The following ZNF805 variants were observed in gnomAD, a reference collection of about 807,000 sequenced individuals.
ZNF805 encodes the protein CTC-444N24.8.
ZNF805 carries 7 observed loss-of-function variants against 13.6 expected under a neutral mutation model. That is an observed-to-expected ratio of 0.51 (90% CI 0.29 to 0.97). ZNF805 has a LOEUF of 0.97. ZNF805 is among the 50% of genes least tolerant of loss of function. ZNF805 has a pLI of 0.08. For synonymous variants in ZNF805, 293 were observed against 279.8 expected, an observed-to-expected ratio of 1.05 and a Z score of -0.47; for missense variants, 604 against 771.0, an observed-to-expected ratio of 0.78 and a Z score of 2.57.
chr19:57,260,840 T>C lies in ZNF805; in HGVS notation c.*6137T>C, dbSNP rs574112660. ...ATGCATGTATCATGTGGCCATGACC[T>C]TGGCCGTGGGGATGCACCCATAATC... On this transcript the variant is annotated 3_prime_UTR_variant, in exon 4 of 4. Coordinates refer to ENST00000414468, the MANE Select transcript of ZNF805 (RefSeq NM_001023563.4). Among the ~76,000 whole-genome samples the C allele has an allele frequency of 5.3e-5, 8 of 152,334 alleles. No individual in the cohort carries two copies. Among genetic ancestry groups the C allele is most frequent in the Admixed American group, 3.3e-4 (5 of 15,302 alleles).
intron 2 of ZNF805, among the ~76,000 whole-genome samples, chr19:57,247,687 A>G (rs2087627633): frequency 1.3e-5 from 2 of 152,216 alleles, no homozygotes; most frequent in South Asian, 4.1e-4. Flanking sequence ...TGTCGTTGGC[A>G]TGCCTTGACC....
intron 2 of ZNF805, among the ~76,000 whole-genome samples, chr19:57,246,813 A>G (rs2087622010): frequency 6.6e-6 from 1 of 151,376 alleles, no homozygotes; most frequent in Non-Finnish European, 1.5e-5. Context: ...TTAACAGTCC[A>G]GATCCCCAGA....
At chr19:57,248,561 T>C in intron 2 of ZNF805, 44 bp from the exon 3 acceptor site, 1 of 1,490,914 alleles carries the variant, frequency 6.7e-7, no homozygotes, top group African/African-American at 1.4e-5. Context: ...TCTTTATTTC[T>C]TTTCACCCAC....
In ZNF805 at chr19:57,259,866, C is replaced by T. The variant is rs2087713421; in HGVS notation, c.*5163C>T. 6.6e-6 allele frequency among the ~76,000 whole-genome samples: 1 copy of T among 152,130 alleles called. No individual in the cohort carries two copies. The highest frequency in any genetic ancestry group is 1.5e-5 in the Non-Finnish European group (1 of 68,016). On this transcript the variant is annotated 3_prime_UTR_variant, in exon 4 of 4. Coordinates refer to ENST00000414468, the MANE Select transcript of ZNF805 (RefSeq NM_001023563.4). ...GCTTAGTTTATAATACTAAAGGGCT[C>T]AGAAAACAGAAAAAACTAAATTCCA...
rs571257640 is a variant in ZNF805 at position 57,258,093 on chromosome 19, C to T, written c.*3390C>T. ...GTGGCGCAGTCTGCAACCTCTGCCT[C>T]CCGGGTTCAAGCCATTCTCTTGCCT... On this transcript the variant is annotated 3_prime_UTR_variant, in exon 4 of 4. Coordinates refer to ENST00000414468, the MANE Select transcript of ZNF805 (RefSeq NM_001023563.4). Among the ~76,000 whole-genome samples, 36 of 150,100 alleles carry T rather than the reference C, an allele frequency of 2.4e-4. No homozygotes were observed. The East Asian group carries it at 6.7e-3, about 28-fold the overall frequency.
Position 57,260,240 on chromosome 19 carries a change from A to G in ZNF805, c.*5537A>G, listed in dbSNP as rs113947635. 1.8e-4 allele frequency among the ~76,000 whole-genome samples: 28 copies of G among 152,290 alleles called. No individual in the cohort carries two copies. Among genetic ancestry groups the G allele is most frequent in the African/African-American group, 5.5e-4 (23 of 41,568 alleles). ...CTTGTTTAGTCTTTAACTTCTCCTT[A>G]TTAACCAGCTTCTTTCCCATAATGT... On this transcript the variant is annotated 3_prime_UTR_variant, in exon 4 of 4. Coordinates refer to ENST00000414468, the MANE Select transcript of ZNF805 (RefSeq NM_001023563.4).
rs1279345979 is a variant in ZNF805 at position 57,254,584 on chromosome 19, T to C, written c.1765T>C (p.Leu589=). 2.2e-5 allele frequency: 35 copies of C among 1,614,008 alleles called. No individual in the cohort carries two copies. Among genetic ancestry groups the C allele is most frequent in the Non-Finnish European group, 3.0e-5 (35 of 1,180,030 alleles). The change falls in exon 4 of 4, where the codon TTA becomes CTA. Residue 589 remains leucine (L), a synonymous_variant. Transcript: ENST00000414468. ...GACCTCAGTCAACATCCAAGAACTT[T>C]TATTGGGGAAAAACTTTTTGAATGT... The part of the protein sequence containing the change: ...GQTSVNIQEL[L]LGKNFLNVTT...
intron 3 of ZNF805, among the ~76,000 whole-genome samples, chr19:57,250,326 A>G (rs1025408900): frequency 2.6e-5 from 4 of 152,114 alleles, no homozygotes; most frequent in African/African-American, 9.7e-5. Flanking sequence ...TCCGCCTCCC[A>G]GGTTCAAGCG....
In ZNF805 at chr19:57,242,643, A is replaced by G. The variant is rs770459644; in HGVS notation, c.31-1280A>G. On this transcript the variant is annotated intron_variant, in intron 1 of 3. Transcript: ENST00000414468. ...GAAAAGGCTAATGGTTCATTATGCA[A>G]TCTCCCTGGGGTCCAGGGGAGAGGA... is the stretch of plus-strand genomic sequence containing the variant. Among the ~76,000 whole-genome samples, 22 of 152,146 alleles carry G rather than the reference A, an allele frequency of 1.4e-4. No homozygotes were observed. In the South Asian group the frequency reaches 1.7e-3, roughly 11 times the overall value.
chr19:57,248,638 A>T lies in ZNF805; in HGVS notation c.191A>T (p.His64Leu). Residue 64 changes from histidine (H) to leucine (L), a missense_variant, in exon 3 of 4, where the codon CAC (histidine) becomes CTC (leucine). Transcript: ENST00000414468. ...GTTCCCAGACCTGAGCTGATCTACCACCTAGAGCATGGGCAGGAGCCATGG... is the reference window on the plus strand; with the variant it reads ...GTTCCCAGACCTGAGCTGATCTACCTCCTAGAGCATGGGCAGGAGCCATGG... ...CPVPRPELIY[H>L]LEHGQEPWTR... is the part of the protein sequence containing the mutation. The T allele has an allele frequency of 6.3e-7, 1 of 1,599,792 alleles. No homozygotes were observed. The highest frequency in any genetic ancestry group is 8.5e-7 in the Non-Finnish European group (1 of 1,172,594).
chr19:57,248,762 TG>T, intron 3 of ZNF805, 62 bp downstream of exon 3: 1 of 1,401,276 alleles, frequency 7.1e-7, no homozygotes, highest in Non-Finnish European at 9.9e-7. Context: ...AGGAGACCAC[TG>T]GCCCTGGGAT....
intron 1 of ZNF805, among the ~76,000 whole-genome samples, chr19:57,241,435 C>T (rs1037610090): frequency 6.6e-6 from 1 of 152,122 alleles, no homozygotes; most frequent in South Asian, 2.1e-4. Context: ...CTAGTTAGCC[C>T]TTCTGCAGCT....
At chr19:57,251,681 T>C (rs2087653224) in intron 3 of ZNF805, among the ~76,000 whole-genome samples, 1 of 152,230 alleles carries the variant, frequency 6.6e-6, no homozygotes, top group African/African-American at 2.4e-5. Flanking sequence ...GGAAAAAATG[T>C]TGCTTTACCC....
rs1436274080 is a variant in ZNF805 at position 57,255,142 on chromosome 19, TA to T, written c.*440del. The T allele has an allele frequency of 5.8e-6, 1 of 173,552 alleles. No homozygotes were observed. The highest frequency in any genetic ancestry group is 2.4e-5 in the African/African-American group (1 of 41,508). The allele number at this position is 173,552 out of a possible 1,614,324, so 10.8% of individuals were successfully genotyped here. On this transcript the variant is annotated 3_prime_UTR_variant, in exon 4 of 4. Coordinates refer to ENST00000414468, the MANE Select transcript of ZNF805 (RefSeq NM_001023563.4). ...AAAAGAAACATGAATGCGCACATTT[TA>T]TTGTACCACTTAATACTGTTTAGGT... is the stretch of plus-strand genomic sequence containing the variant.
At chr19:57,251,563 A>C (rs1245144400) in intron 3 of ZNF805, among the ~76,000 whole-genome samples, 4 of 151,342 alleles carry the variant, frequency 2.6e-5, no homozygotes, top group African/African-American at 9.7e-5. Context: ...CTAGTTTTTA[A>C]TTTTGTCCTT....
rs556383393 is a variant in ZNF805 at position 57,243,040 on chromosome 19, G to GC, written c.31-882dup. Among the ~76,000 whole-genome samples, 270 of 152,124 alleles carry GC rather than the reference G, an allele frequency of 1.8e-3. 1 individual carries two copies. The highest frequency in any genetic ancestry group is 3.0e-3 in the Non-Finnish European group (206 of 68,022). ...GTTCGAGACCAGCCTGGGCAACATA[G>GC]CAAGATCCCAGCTCTACCAAAAAGA... On this transcript the variant is annotated intron_variant, in intron 1 of 3. Transcript: ENST00000414468.
Position 57,253,495 on chromosome 19 carries a change from T to C in ZNF805, c.676T>C (p.Ser226Pro). 6.2e-7 allele frequency: 1 copy of C among 1,608,128 alleles called. No homozygotes were observed. Among genetic ancestry groups the C allele is most frequent in the South Asian group, 1.1e-5 (1 of 90,368 alleles). Residue 226 changes from serine (S) to proline (P), a missense_variant, in exon 4 of 4, where the codon TCT (serine) becomes CCT (proline). Around this residue, in one of 3 missense-constraint regions of ZNF805, gnomAD observed 327 missense variants for 378.2 expected, o/e 0.86. Transcript: ENST00000414468. The surrounding 1 kb of genome is among the most constrained non-coding windows in gnomAD (Gnocchi z 4.4). ...GCTTGCTCGGCATGAGAGGATTCACTCTGGAGTGAAGCCCTATGAATGCAC... is the reference window on the plus strand; with the variant it reads ...GCTTGCTCGGCATGAGAGGATTCACCCTGGAGTGAAGCCCTATGAATGCAC... ...RLLARHERIH[S>P]GVKPYECTEC...
intron 2 of ZNF805, among the ~76,000 whole-genome samples, chr19:57,244,970 G>C (rs2087603628): frequency 6.6e-6 from 1 of 151,918 alleles, no homozygotes; most frequent in East Asian, 1.9e-4. Flanking sequence ...TTGAGTTCCA[G>C]AGCGGGATCT....
At chr19:57,242,307 G>A (rs976807173) in intron 1 of ZNF805, among the ~76,000 whole-genome samples, 2 of 152,238 alleles carry the variant, frequency 1.3e-5, no homozygotes, top group Admixed American at 6.5e-5. Flanking sequence ...CATTGGAAGC[G>A]AAAGGCAGAC....
Sources: allele counts gnomAD v4.1 joint callset (sites outside exome capture counted in the v4.1 genomes callset), GRCh38; gene constraint gnomAD v4.1.1; regional missense constraint gnomAD v4.1.1; non-coding constraint Gnocchi (gnomAD v3.1); transcripts MANE v1.5; gene names NCBI Gene and HGNC (gene_info 2026-07-23, HGNC 2026-07-21).